Variants in RABGAP1L observed in about 807,000 individuals in gnomAD.
RABGAP1L encodes RAB GTPase activating protein 1 like, also known as rab GTPase-activating protein 1-like.
RABGAP1L carries 63 observed loss-of-function variants against 137.7 expected under a neutral mutation model. That is an observed-to-expected ratio of 0.46 (90% CI 0.37 to 0.56). The LOEUF (loss-of-function observed/expected upper bound fraction) is 0.56. Among genes scored for constraint, RABGAP1L ranks in the 20% least tolerant of loss-of-function variants. RABGAP1L has a pLI of 0.00. For missense variants in RABGAP1L, 1,095 were observed against 1,244.0 expected (o/e 0.88, Z 1.80); for synonymous variants, 431 against 433.7 (o/e 0.99, Z 0.08).
At chr1:174,165,059 G>A (rs1468948218) in intron 1 of RABGAP1L, among the ~76,000 whole-genome samples, 1 of 152,156 alleles carries the variant, frequency 6.6e-6, no homozygotes, top group African/African-American at 2.4e-5. Flanking sequence ...ATTAAATATG[G>A]AAACAACAGT....
intron 19 of RABGAP1L, among the ~76,000 whole-genome samples, chr1:174,836,620 A>G (rs189848136): frequency 1.3e-5 from 2 of 152,358 alleles, no homozygotes; most frequent in East Asian, 1.9e-4. Context: ...GCAAAGTGTG[A>G]CATATCTCTG....
chr1:174,306,066 C>T (rs1400781793), intron 11 of RABGAP1L, among the ~76,000 whole-genome samples: 1 of 152,184 alleles, frequency 6.6e-6, no homozygotes, highest in Non-Finnish European at 1.5e-5. Flanking sequence ...TTTCCAGCTT[C>T]ATCCATGTCC....
chr1:174,385,396 C>T (rs1201773876), intron 12 of RABGAP1L, among the ~76,000 whole-genome samples: 2 of 152,088 alleles, frequency 1.3e-5, no homozygotes, highest in Non-Finnish European at 1.5e-5. Context: ...TGTTGAGATG[C>T]ATTTAAGACA....
intron 19 of RABGAP1L, among the ~76,000 whole-genome samples, chr1:174,953,932 C>A (rs984376708): frequency 6.6e-6 from 1 of 152,188 alleles, no homozygotes; most frequent in Non-Finnish European, 1.5e-5. Context: ...TTATCTTAAA[C>A]AAACTTGTTT....
intron 10 of RABGAP1L, among the ~76,000 whole-genome samples, chr1:174,281,834 C>T (rs560145647): frequency 6.6e-6 from 1 of 152,266 alleles, no homozygotes; most frequent in South Asian, 2.1e-4. Context: ...ATTAAGATCC[C>T]TCACTCTTAA....
intron 13 of RABGAP1L, among the ~76,000 whole-genome samples, chr1:174,459,418 C>T (rs942480229): frequency 6.6e-6 from 1 of 152,092 alleles, no homozygotes; most frequent in Non-Finnish European, 1.5e-5. Context: ...ACAGTTGTCC[C>T]TCATTATCTG....
At chr1:174,694,964 T>G (rs546062617) in intron 15 of RABGAP1L, among the ~76,000 whole-genome samples, 18 of 152,272 alleles carry the variant, frequency 1.2e-4, no homozygotes, top group Admixed American at 5.2e-4. Context: ...TGGTGAGCAT[T>G]TTTTCATGTG....
chr1:174,621,584 GA>G (rs1487834187), intron 13 of RABGAP1L, among the ~76,000 whole-genome samples: 2 of 152,088 alleles, frequency 1.3e-5, no homozygotes, highest in African/African-American at 2.4e-5. Context: ...ACAAACCTGA[GA>G]AAAACAAGCA....
intron 14 of RABGAP1L, among the ~76,000 whole-genome samples, chr1:174,681,667 A>T (rs1205733309): frequency 1.3e-5 from 2 of 152,208 alleles, no homozygotes; most frequent in Non-Finnish European, 2.9e-5. Flanking sequence ...TACAATTAAA[A>T]TGTATGCCTT....
chr1:174,519,778 A>G (rs1324678243), intron 13 of RABGAP1L, among the ~76,000 whole-genome samples: 3 of 152,222 alleles, frequency 2.0e-5, no homozygotes. Flanking sequence ...TAGGTTCTTT[A>G]CATTTTAATT....
intron 13 of RABGAP1L, among the ~76,000 whole-genome samples, chr1:174,622,066 A>G (rs540126437): frequency 6.6e-6 from 1 of 152,364 alleles, no homozygotes; most frequent in African/African-American, 2.4e-5. Context: ...CAGTTCTCAA[A>G]AGAAGACATT....
chr1:174,682,005 G>A (rs775398460), intron 14 of RABGAP1L, among the ~76,000 whole-genome samples: 3 of 152,146 alleles, frequency 2.0e-5, no homozygotes, highest in Non-Finnish European at 2.9e-5. Context: ...GGCAGGCCGG[G>A]CATGGTGGAT....
At chr1:174,472,869 G>A (rs989070281) in intron 13 of RABGAP1L, among the ~76,000 whole-genome samples, 1 of 152,140 alleles carries the variant, frequency 6.6e-6, no homozygotes, top group Non-Finnish European at 1.5e-5. Flanking sequence ...GTTTCCAGTT[G>A]CCAGCAAAGG....
intron 7 of RABGAP1L, among the ~76,000 whole-genome samples, chr1:174,266,442 C>G (rs558988769): frequency 4.8e-4 from 73 of 152,184 alleles, no homozygotes; most frequent in African/African-American, 1.7e-3. Context: ...TTCTTTAGAA[C>G]CTATGTGTGT....
At chr1:174,799,760 C>T (rs1688559485) in intron 18 of RABGAP1L, 1 of 741,750 alleles carries the variant, frequency 1.3e-6, no homozygotes, top group Admixed American at 6.3e-5. Flanking sequence ...CAGCGAGAGG[C>T]AGCAGCAGCA....
chr1:174,892,640 G>A (rs1021242926), intron 19 of RABGAP1L: 7 of 534,428 alleles, frequency 1.3e-5, no homozygotes, highest in Non-Finnish European at 2.6e-5. Context: ...ATTTGATGAG[G>A]CTGCTAAAGC....
chr1:174,917,227 G>A (rs185851229), intron 19 of RABGAP1L, among the ~76,000 whole-genome samples: 24 of 152,248 alleles, frequency 1.6e-4, no homozygotes, highest in Non-Finnish European at 3.2e-4. Flanking sequence ...GAGTGGGTTG[G>A]GGAGGACATA....
At chr1:174,626,397 A>G (rs1403911999) in intron 13 of RABGAP1L, among the ~76,000 whole-genome samples, 1 of 152,230 alleles carries the variant, frequency 6.6e-6, no homozygotes, top group Admixed American at 6.5e-5. Flanking sequence ...CAAGGTACAC[A>G]TCATGAATAT....
chr1:174,364,286 G>A (rs1192186341), intron 11 of RABGAP1L, among the ~76,000 whole-genome samples: 5 of 91,466 alleles, frequency 5.5e-5, no homozygotes, highest in Admixed American at 3.3e-4. Flanking sequence ...ACGGAGTCTC[G>A]CTCTGTCGCC....
Sources: gnomAD v4.1 joint callset for allele counts (sites outside exome capture counted in the v4.1 genomes callset) on GRCh38, gnomAD v4.1.1 for gene constraint, MANE v1.5 for transcripts, NCBI Gene and HGNC (gene_info 2026-07-23, HGNC 2026-07-21) for gene names.